The following CDH13 variants were observed in gnomAD, a reference collection of about 807,000 sequenced individuals.
The protein encoded by CDH13 is cadherin-13.
A neutral mutation model predicts 63.8 loss-of-function variants in CDH13; 24 were observed. The observed-to-expected ratio is 0.38, with a 90% CI of 0.27 to 0.53. The LOEUF is 0.53. Ranked by LOEUF, CDH13 falls within the 20% of genes least tolerant of loss-of-function variation. The pLI, the probability that CDH13 is intolerant of heterozygous loss-of-function variation, is 0.85. For synonymous variants in CDH13, 503 were observed against 355.3 expected, an observed-to-expected ratio of 1.42 and a Z score of -4.67; for missense variants, 1,049 against 903.1, an observed-to-expected ratio of 1.16 and a Z score of -2.07.
chr16:83,416,524 A>G (rs114688832), intron 6 of CDH13, among the ~76,000 whole-genome samples: 2,224 of 152,256 alleles, frequency 0.015, 58 homozygotes, highest in African/African-American at 0.051. Flanking sequence ...TTCAGTTAAT[A>G]ACATTTTCTG....
intron 5 of CDH13, among the ~76,000 whole-genome samples, chr16:83,323,455 A>G (rs2090286202): frequency 6.8e-6 from 1 of 147,294 alleles, no homozygotes; most frequent in Non-Finnish European, 1.5e-5. Flanking sequence ...TAATTTTTGT[A>G]TTTTTAGTAT....
chr16:83,198,557 G>A (rs1381362629), intron 4 of CDH13, among the ~76,000 whole-genome samples: 1 of 152,182 alleles, frequency 6.6e-6, no homozygotes, highest in Non-Finnish European at 1.5e-5. Flanking sequence ...TTGATGGATA[G>A]TTCAAAAGGG....
In CDH13 at chr16:83,527,428, G is replaced by A. The variant is rs146154800; in HGVS notation, c.960+40773G>A. The stretch of plus-strand genomic sequence containing the variant: ...CTGGCCACTGCACTCCAGCCTGGGC[G>A]ACAAAGCGAGACCCCATCTCAAAAA... On this transcript the variant is annotated intron_variant, in intron 7 of 13. Coordinates refer to ENST00000567109, the MANE Select transcript of CDH13 (RefSeq NM_001257.5). Among the ~76,000 whole-genome samples the A allele has an allele frequency of 8.2e-3, 1,237 of 150,994 alleles. 13 individuals carry two copies. The highest frequency in any genetic ancestry group is 0.028 in the African/African-American group (1,149 of 40,908).
At chr16:82,785,882 C>A (rs930876691) in intron 1 of CDH13, among the ~76,000 whole-genome samples, 50 of 152,212 alleles carry the variant, frequency 3.3e-4, no homozygotes, top group African/African-American at 1.2e-3. Flanking sequence ...ACAGATGGAA[C>A]TATGGTGAGC....
chr16:82,955,706 C>A (rs1015748332), intron 2 of CDH13, among the ~76,000 whole-genome samples: 1 of 152,206 alleles, frequency 6.6e-6, no homozygotes, highest in African/African-American at 2.4e-5. Context: ...TTGAAGGAAA[C>A]TGCACTAGAA....
chr16:82,928,356 A>C (rs2042371850), intron 2 of CDH13, among the ~76,000 whole-genome samples: 3 of 152,210 alleles, frequency 2.0e-5, no homozygotes. Flanking sequence ...ATGTGGACCC[A>C]TTGCATGTGG....
chr16:83,712,557 G>A (rs971932225), intron 10 of CDH13, among the ~76,000 whole-genome samples: 1 of 152,226 alleles, frequency 6.6e-6, no homozygotes, highest in African/African-American at 2.4e-5. Flanking sequence ...GTTTTCAGGA[G>A]CACCCCTCAA....
chr16:83,556,616 C>T (rs1029787075), intron 7 of CDH13, among the ~76,000 whole-genome samples: 1 of 152,196 alleles, frequency 6.6e-6, no homozygotes, highest in Admixed American at 6.5e-5. Context: ...AAGTTCATCA[C>T]CACATTCTTC....
intron 7 of CDH13, among the ~76,000 whole-genome samples, chr16:83,555,321 C>G (rs1036082045): frequency 2.0e-5 from 3 of 152,174 alleles, no homozygotes; most frequent in African/African-American, 7.2e-5. Flanking sequence ...ATTGAAAACA[C>G]CTGGAAGATT....
intron 2 of CDH13, among the ~76,000 whole-genome samples, chr16:82,885,599 C>T (rs1470080150): frequency 6.6e-6 from 1 of 152,098 alleles, no homozygotes; most frequent in Non-Finnish European, 1.5e-5. Context: ...ATCCATCTGT[C>T]CTTCTACCTT....
At chr16:82,808,189 TC>T (rs1400787446) in intron 1 of CDH13, among the ~76,000 whole-genome samples, 14 of 152,172 alleles carry the variant, frequency 9.2e-5, no homozygotes, top group African/African-American at 3.4e-4. Context: ...ATTCTAAAAA[TC>T]CTTTCTTTGT....
intron 7 of CDH13, among the ~76,000 whole-genome samples, chr16:83,509,733 C>T (rs546132057): frequency 6.6e-6 from 1 of 152,124 alleles, no homozygotes; most frequent in African/African-American, 2.4e-5. Flanking sequence ...GTAAAAAATA[C>T]TAATAATAAA....
intron 1 of CDH13, among the ~76,000 whole-genome samples, chr16:82,835,480 T>C (rs1304839006): frequency 6.6e-6 from 1 of 152,238 alleles, no homozygotes; most frequent in Non-Finnish European, 1.5e-5. Context: ...TTTCCTGGGA[T>C]GTGCTTCCTG....
At position 83,057,086 on chromosome 16, in the gene CDH13, C is replaced by T. The variant is rs551642685; in HGVS notation, c.366+24868C>T. 2.6e-5 allele frequency among the ~76,000 whole-genome samples: 4 copies of T among 152,272 alleles called. No individual in the cohort carries two copies. The South Asian group carries it at 6.2e-4, about 24-fold the overall frequency. On this transcript the variant is annotated intron_variant, in intron 3 of 13. Coordinates refer to ENST00000567109, the MANE Select transcript of CDH13 (RefSeq NM_001257.5). The stretch of plus-strand genomic sequence containing the variant: ...GGTTCAAGTGATTCTCCTGCCTCAG[C>T]CTCCTAAGTAGCTGGGATTACAGGC...
chr16:83,788,920 T>A (rs180735345), intron 13 of CDH13, among the ~76,000 whole-genome samples: 2 of 152,196 alleles, frequency 1.3e-5, no homozygotes, highest in Non-Finnish European at 2.9e-5. Context: ...GACAGTAGTT[T>A]CAGCCCCCAA....
intron 8 of CDH13, among the ~76,000 whole-genome samples, chr16:83,630,974 C>T (rs149417402): frequency 1.3e-5 from 2 of 152,078 alleles, no homozygotes; most frequent in Admixed American, 1.3e-4. Context: ...ATATGGCAAG[C>T]ACAGTGCCTG....
At chr16:83,231,477 G>A (rs2039996275) in intron 5 of CDH13, among the ~76,000 whole-genome samples, 1 of 152,186 alleles carries the variant, frequency 6.6e-6, no homozygotes, top group Non-Finnish European at 1.5e-5. Flanking sequence ...TGTCCTTTGA[G>A]GTAGTGAGTC....
intron 7 of CDH13, among the ~76,000 whole-genome samples, chr16:83,508,055 A>AGAAGGAGGGAAGGAAGGAAG: frequency 1.7e-5 from 1 of 58,296 alleles, no homozygotes; most frequent in Non-Finnish European, 3.1e-5. Context: ...GAGAAAGAGA[A>AGAAGGAGGGAAGGAAGGAAG]GAAGGAAGGA....
intron 4 of CDH13, among the ~76,000 whole-genome samples, chr16:83,147,898 G>T (rs1264247690): frequency 1.3e-5 from 2 of 152,050 alleles, no homozygotes; most frequent in African/African-American, 4.8e-5. Context: ...TAGTATGAAG[G>T]TAAGGAGCCA....
Sources: gnomAD v4.1 joint callset for allele counts (sites outside exome capture counted in the v4.1 genomes callset) on GRCh38, gnomAD v4.1.1 for gene constraint, MANE v1.5 for transcripts, NCBI Gene and HGNC (gene_info 2026-07-23, HGNC 2026-07-21) for gene names.